Variants in CARMIL3 observed in about 807,000 individuals in gnomAD.
CARMIL3 encodes the protein capping protein, Arp2/3 and myosin-I linker protein 3.
In CARMIL3, 88 loss-of-function variants were observed where a neutral mutation model predicts 180.8. The observed-to-expected ratio is 0.49, with a 90% CI of 0.41 to 0.58. CARMIL3 has a LOEUF of 0.58. Ranked by LOEUF, CARMIL3 falls within the 20% of genes least tolerant of loss-of-function variation. The pLI is 0.00. For missense variants in CARMIL3, 1,548 were observed against 1,787.0 expected (o/e 0.87, Z 2.41); for synonymous variants, 696 against 714.5 (o/e 0.97, Z 0.41).
chr14:24,055,661 C>G (rs765011259), intron 9 of CARMIL3, 40 bp from the exon 10 acceptor site: 5 of 1,613,494 alleles, frequency 3.1e-6, no homozygotes, highest in Non-Finnish European at 3.4e-6. Flanking sequence ...AAGTAGTGCC[C>G]CCCTTGGCCC....
At position 24,056,674 on chromosome 14, in the gene CARMIL3, A is replaced by T. The variant is rs556071609; in HGVS notation, c.918A>T (p.Lys306Asn). The change falls in exon 12 of 40, where the codon AAA becomes AAT. Residue 306 changes from lysine (K) to asparagine (N), a missense_variant. Around this residue, in one of 4 missense-constraint regions of CARMIL3, gnomAD observed 578 missense variants for 666.5 expected, o/e 0.87. Coordinates refer to ENST00000342740, the MANE Select transcript of CARMIL3 (RefSeq NM_138360.4). ...TCTGCTTCCCCTCTGGCCTCACCAA[A>T]CTGTGCCTGGCCAAGACTGCCATTT... ...QLLCFPSGLT[K>N]LCLAKTAISP... The T allele has an allele frequency of 6.2e-7, 1 of 1,613,528 alleles. No homozygotes were observed. The highest frequency in any genetic ancestry group is 1.3e-5 in the African/African-American group (1 of 74,970).
Position 24,055,714 on chromosome 14 carries a change from T to A in CARMIL3, c.695T>A (p.Leu232Gln). The A allele has an allele frequency of 6.2e-7, 1 of 1,614,058 alleles. No individual in the cohort carries two copies. The highest frequency in any genetic ancestry group is 8.5e-7 in the Non-Finnish European group (1 of 1,179,986). The change falls in exon 10 of 40, where the codon CTA becomes CAA. Residue 232 changes from leucine (L) to glutamine (Q), a missense_variant. Around this residue, in one of 4 missense-constraint regions of CARMIL3, gnomAD observed 578 missense variants for 666.5 expected, o/e 0.87. Transcript: ENST00000342740. Reference protein sequence around the residue: ...CKDLRLGSEVLEQVLHTLSKS... With the variant: ...CKDLRLGSEVQEQVLHTLSKS... ...CTCTGTCCTCAGGGCTCTGAAGTGC[T>A]AGAACAGGTGCTACATACCCTAAGC...
chr14:24,060,656 A>G lies in CARMIL3; in HGVS notation c.2090A>G (p.Gln697Arg), dbSNP rs771493415. ...QMLQRLCGRV[Q>R]EEVRALRLCP... is the part of the protein sequence containing the mutation. The stretch of plus-strand genomic sequence containing the variant: ...CTGCAGCGGCTGTGTGGACGAGTGC[A>G]GGAGGAGGTGCGGGCCCTGAGACTA... The change falls in exon 25 of 40, where the codon CAG (glutamine) becomes CGG (arginine). Residue 697 changes from glutamine to arginine, a missense_variant. By Grantham distance (43) the Gln-to-Arg change is conservative. Transcript: ENST00000342740. The G allele has an allele frequency of 5.6e-6, 9 of 1,613,946 alleles. No homozygotes were observed. Among genetic ancestry groups the G allele is most frequent in the Middle Eastern group, 1.7e-4 (1 of 6,060 alleles).
At chr14:24,064,093 C>CAAAAA (rs564964326) in intron 31 of CARMIL3, among the ~76,000 whole-genome samples, 153 bp from the exon 32 acceptor site, 1 of 64,174 alleles carries the variant, frequency 1.6e-5, no homozygotes, top group East Asian at 5.9e-4. Flanking sequence ...GACTCCGTCT[C>CAAAAA]AAAAAAAAAA....
In CARMIL3 at chr14:24,060,025, C is replaced by G. The variant is rs748152997; in HGVS notation, c.1924C>G (p.Arg642Gly). The change falls in exon 23 of 40, where the codon CGC becomes GGC. Residue 642 changes from arginine (R) to glycine (G), a missense_variant. Coordinates refer to ENST00000342740, the MANE Select transcript of CARMIL3 (RefSeq NM_138360.4). Reference sequence around the variant, plus strand: ...CGTGAGCGACATCTCCCAAGCCTATCGCAGCGCGCCTGAGCGCACCGAGGA... The same window carrying G: ...CGTGAGCGACATCTCCCAAGCCTATGGCAGCGCGCCTGAGCGCACCGAGGA... ...FPVSDISQAY[R>G]SAPERTEDVW... is the part of the protein sequence containing the mutation. 4 of 1,613,998 alleles carry G rather than the reference C, an allele frequency of 2.5e-6. No homozygotes were observed. Among genetic ancestry groups the G allele is most frequent in the Non-Finnish European group, 3.4e-6 (4 of 1,180,036 alleles).
Position 24,069,230 on chromosome 14 carries a change from G to A in CARMIL3, c.4076G>A (p.Arg1359Gln), listed in dbSNP as rs368312040. The change falls in exon 39 of 40, where the codon CGG becomes CAG. Residue 1359 changes from arginine to glutamine, a missense_variant. Transcript: ENST00000342740. Reference protein sequence around the residue: ...SCDKLEPDRRRPPDPTGTSEP... With the variant: ...SCDKLEPDRRQPPDPTGTSEP... ...GACAAGCTGGAACCTGATAGAAGACGGCCTCCTGACCCCACAGGTGCTGGT... is the reference window on the plus strand; with the variant it reads ...GACAAGCTGGAACCTGATAGAAGACAGCCTCCTGACCCCACAGGTGCTGGT... The A allele has an allele frequency of 1.5e-5, 25 of 1,613,912 alleles. No homozygotes were observed. The highest frequency in any genetic ancestry group is 4.4e-5 in the South Asian group (4 of 91,074).
chr14:24,055,662 C>G (rs375249928), intron 9 of CARMIL3, 39 bp from the exon 10 acceptor site: 2 of 1,613,480 alleles, frequency 1.2e-6, no homozygotes, highest in Non-Finnish European at 1.7e-6. Flanking sequence ...AGTAGTGCCC[C>G]CCTTGGCCCC....
At chr14:24,069,289 T>C in intron 39 of CARMIL3, 42 bp downstream of exon 39, 1 of 1,612,422 alleles carries the variant, frequency 6.2e-7, no homozygotes, top group African/African-American at 1.3e-5. Flanking sequence ...CCCACCTATC[T>C]GTCCAACATG....
At chr14:24,057,735 G>A (rs368444201) in intron 14 of CARMIL3, 68 bp from the exon 15 acceptor site, 15 of 1,364,676 alleles carry the variant, frequency 1.1e-5, no homozygotes, top group Admixed American at 7.5e-5. Flanking sequence ...GGAGGGAGGG[G>A]GAGTCCTTTC....
rs755281606 is a variant in CARMIL3 at position 24,059,626 on chromosome 14, G to A, written c.1800-38G>A. On this transcript the variant is annotated intron_variant, in intron 21 of 39. Coordinates refer to ENST00000342740, the MANE Select transcript of CARMIL3 (RefSeq NM_138360.4). This position sits in a 1 kb window ranked among gnomAD's most constrained non-coding sequence, Gnocchi z 6.3. ...TCCCTGGCCCCTAGTAGGGACCCAG[G>A]AGGAGAGGTGCCAAACTGGTGCTTA... 16 of 1,610,536 alleles carry A rather than the reference G, an allele frequency of 9.9e-6. No homozygotes were observed. Among genetic ancestry groups the A allele is most frequent in the African/African-American group, 1.3e-5 (1 of 74,850 alleles).
In CARMIL3 at chr14:24,064,311, C is replaced by A. The variant is rs369689617; in HGVS notation, c.3045C>A (p.Asp1015Glu). ...MATRLDEGLE[D>E]FFSRRVLEES... ...CCCGCCTGGATGAAGGGCTGGAGGA[C>A]TTCTTCAGCCGAAGGGTCCTGGAGG... is the stretch of plus-strand genomic sequence containing the variant. The change falls in exon 32 of 40, where the codon GAC (aspartate) becomes GAA (glutamate). Residue 1015 changes from aspartate to glutamate, a missense_variant. Asp to Glu is a conservative substitution (Grantham distance 45). Transcript: ENST00000342740. The A allele has an allele frequency of 1.4e-4, 223 of 1,612,468 alleles. No homozygotes were observed. The highest frequency in any genetic ancestry group is 1.8e-4 in the Non-Finnish European group (210 of 1,179,330).
intron 7 of CARMIL3, 32 bp from the exon 8 acceptor site, chr14:24,055,205 G>A (rs1164094463): frequency 1.2e-6 from 2 of 1,613,812 alleles, no homozygotes; most frequent in Non-Finnish European, 1.7e-6. Context: ...AGGAAGTGGG[G>A]AGCAGGTGTG....
In CARMIL3 at chr14:24,062,507, C is replaced by G. The variant is rs767915779; in HGVS notation, c.2508C>G (p.Tyr836Ter). The G allele has an allele frequency of 1.9e-6, 3 of 1,614,196 alleles. No homozygotes were observed. The highest frequency in any genetic ancestry group is 2.5e-6 in the Non-Finnish European group (3 of 1,180,022). The change falls in exon 28 of 40, where the codon TAC becomes TAG. Residue 836 changes from tyrosine (Y) to a stop codon, truncating the protein, a stop_gained. Coordinates refer to ENST00000342740, the MANE Select transcript of CARMIL3 (RefSeq NM_138360.4). LOFTEE classifies it high-confidence loss of function. ...LDEVKLSVVT[Y>*]LTSSIVDEIL... ...AAGTGAAGCTCTCAGTCGTCACCTA[C>G]CTAACCAGCTCCATAGTGGATGAGA... is the stretch of plus-strand genomic sequence containing the variant.
chr14:24,065,475 G>T, intron 33 of CARMIL3, 147 bp from the exon 34 acceptor site: 1 of 1,227,072 alleles, frequency 8.1e-7, no homozygotes, highest in Non-Finnish European at 1.1e-6. Flanking sequence ...GCGAATGCAG[G>T]CGTTGGAAGG....
rs772370239 is a variant in CARMIL3 at position 24,058,808 on chromosome 14, C to T, written c.1474+47C>T. ...CCCTGGGGCCAGGGGAGAACAGGGG[C>T]CTGGAGCATGCAGAAGCAGCCCTGA... is the stretch of plus-strand genomic sequence containing the variant. On this transcript the variant is annotated intron_variant, in intron 18 of 39. Transcript: ENST00000342740. The surrounding 1 kb of genome is among the most constrained non-coding windows in gnomAD (Gnocchi z 6.4). 1.2e-6 allele frequency: 2 copies of T among 1,611,894 alleles called. No homozygotes were observed. The highest frequency in any genetic ancestry group is 2.2e-5 in the South Asian group (2 of 91,010).
intron 32 of CARMIL3, among the ~76,000 whole-genome samples, chr14:24,064,662 G>C (rs1289191659): frequency 6.6e-6 from 1 of 151,658 alleles, no homozygotes; most frequent in Non-Finnish European, 1.5e-5. Flanking sequence ...CCGGGGGGTA[G>C]TGTTCCCTGT....
At chr14:24,057,464 C>T (rs1444396756) in intron 14 of CARMIL3, among the ~76,000 whole-genome samples, 1 of 152,180 alleles carries the variant, frequency 6.6e-6, no homozygotes, top group Non-Finnish European at 1.5e-5. Flanking sequence ...AGCCCTTGCT[C>T]CCTTCCCCAG....
In CARMIL3 at chr14:24,055,254, C is replaced by T. The variant is rs1420855087; in HGVS notation, c.549C>T (p.Tyr183=). Residue 183 remains tyrosine (Y), a synonymous_variant, in exon 8 of 40, where the codon TAC becomes TAT. Coordinates refer to ENST00000342740, the MANE Select transcript of CARMIL3 (RefSeq NM_138360.4). The part of the protein sequence containing the change: ...EEVQWDVDTI[Y]HAEDNREFNL... ...TCTCCAAGGATGTGGACACCATCTA[C>T]CATGCTGAAGATAACCGGGAGTTCA... 2.5e-6 allele frequency: 4 copies of T among 1,614,150 alleles called. No homozygotes were observed. Among genetic ancestry groups the T allele is most frequent in the South Asian group, 1.1e-5 (1 of 91,082 alleles).
chr14:24,053,865 G>T (rs1045110477), intron 2 of CARMIL3, 62 bp downstream of exon 2: 22 of 1,447,750 alleles, frequency 1.5e-5, no homozygotes, highest in Middle Eastern at 3.9e-4. Context: ...GGCCAGTAGA[G>T]GGCAGGGAGC....
Sources: allele counts gnomAD v4.1 joint callset (sites outside exome capture counted in the v4.1 genomes callset), GRCh38; gene constraint gnomAD v4.1.1; regional missense constraint gnomAD v4.1.1; non-coding constraint Gnocchi (gnomAD v3.1); transcripts MANE v1.5; gene names NCBI Gene and HGNC (gene_info 2026-07-23, HGNC 2026-07-21).